MYO19: variants seen among roughly 807,000 people sequenced by gnomAD.
The protein encoded by MYO19 is myosin XIX.
In MYO19, 132 loss-of-function variants were observed where a neutral mutation model predicts 129.2. The ratio of observed to expected loss-of-function variants is 1.02; its 90% CI spans 0.89 to 1.18. The LOEUF (loss-of-function observed/expected upper bound fraction) is 1.18, where lower values mean the gene tolerates loss of function less well. Among genes scored for constraint, MYO19 ranks in the 50% most tolerant of loss-of-function variants. The pLI is 0.00. For missense variants in MYO19, 1,210 were observed against 1,216.7 expected (o/e 0.99, Z 0.08); for synonymous variants, 531 against 477.2 (o/e 1.11, Z -1.47).
upstream of MYO19, chr17:36,535,428 G>C (rs930838806): frequency 2.0e-5 from 3 of 152,294 alleles, no homozygotes; most frequent in Non-Finnish European, 4.4e-5. Flanking sequence ...GATGGGCGGA[G>C]ACGCGCGGAA....
At position 36,510,804 on chromosome 17, in the gene MYO19, A is replaced by C; in HGVS notation, c.1099T>G (p.Cys367Gly). The change falls in exon 13 of 26, where the codon TGC becomes GGC. Residue 367 changes from cysteine (C) to glycine (G), a missense_variant. Cys to Gly is a radical substitution (Grantham distance 159). Coordinates refer to ENST00000614623, the MANE Select transcript of MYO19 (RefSeq NM_001163735.2). ...CGGGTGTCACACTCGGCTCGGGCGC[A>C]GGGCTTCCGGAACACCTGCTGCTGT... ...GRQQQVFRKP[C>G]ARAECDTRRD... 2.5e-6 allele frequency: 4 copies of C among 1,600,994 alleles called. No individual in the cohort carries two copies. The highest frequency in any genetic ancestry group is 3.4e-6 in the Non-Finnish European group (4 of 1,173,974).
chr17:36,532,652 G>T lies in MYO19; in HGVS notation c.-114C>A. On this transcript the variant is annotated 5_prime_UTR_variant, in exon 3 of 26. Coordinates refer to ENST00000614623, the MANE Select transcript of MYO19 (RefSeq NM_001163735.2). ...TGGTTCCAACAAAGGGCTCAGTTCT[G>T]GAGGAATCTCAGACAAGTCACTCCA... 1 of 1,298,490 alleles carries T rather than the reference G, an allele frequency of 7.7e-7. No individual in the cohort carries two copies. Among genetic ancestry groups the T allele is most frequent in the Non-Finnish European group, 1.1e-6 (1 of 918,958 alleles). 80.4% of individuals were successfully genotyped at this position (1,298,490 alleles called of 1,614,324 possible). A position where few individuals can be genotyped will look rare whatever the true frequency, so the allele number is the denominator to read the frequency against.
intron 7 of MYO19, 23 bp from the exon 8 acceptor site, chr17:36,515,205 T>C (rs1374579411): frequency 6.2e-7 from 1 of 1,607,324 alleles, no homozygotes; most frequent in Admixed American, 1.7e-5. Flanking sequence ...CCTATGTTTA[T>C]TTCACTCCCC....
intron 25 of MYO19, 86 bp from the exon 26 acceptor site, chr17:36,496,492 G>A: frequency 7.5e-7 from 1 of 1,330,692 alleles, no homozygotes. Flanking sequence ...CGCTAAAAAT[G>A]CAAGAAGGTA....
At chr17:36,499,264 AC>A in intron 23 of MYO19, 104 bp from the exon 24 acceptor site, 1 of 771,392 alleles carries the variant, frequency 1.3e-6, no homozygotes, top group Non-Finnish European at 2.1e-6. Flanking sequence ...AGTTTCAAAT[AC>A]GTTTTTTTTT....
rs34705114 is a variant in MYO19 at position 36,497,175 on chromosome 17, CA to C, written c.2758-770del. The stretch of plus-strand genomic sequence containing the variant: ...CGAAACCCCGTCTCTATTAAAAATA[CA>C]AAAAAAAAAATATAGCCAGGCATGG... On this transcript the variant is annotated intron_variant, in intron 25 of 25. Transcript: ENST00000614623. Among the ~76,000 whole-genome samples, 462 of 147,580 alleles carry C rather than the reference CA, an allele frequency of 3.1e-3. 1 individual carries two copies. Among genetic ancestry groups the C allele is most frequent in the African/African-American group, 9.5e-3 (380 of 40,192 alleles).
rs2072263493 is a variant in MYO19 at position 36,510,741 on chromosome 17, C to T, written c.1157+5G>A. ...CCCCAACAAGGGGCCAGAGTAACTG[C>T]TCACCGCGCATAGATCAGTTTGGCC... is the stretch of plus-strand genomic sequence containing the variant. On this transcript the variant is annotated splice_donor_5th_base_variant and intron_variant, in intron 13 of 25. Coordinates refer to ENST00000614623, the MANE Select transcript of MYO19 (RefSeq NM_001163735.2). 4 of 1,593,300 alleles carry T rather than the reference C, an allele frequency of 2.5e-6. No homozygotes were observed. Among genetic ancestry groups the T allele is most frequent in the Middle Eastern group, 1.7e-4 (1 of 5,998 alleles).
chr17:36,498,647 T>A, intron 24 of MYO19, 88 bp from the exon 25 acceptor site: 1 of 1,407,222 alleles, frequency 7.1e-7, no homozygotes, highest in Non-Finnish European at 9.4e-7. Flanking sequence ...TAACAAATCA[T>A]CTTAACAAGG....
chr17:36,507,926 TG>T lies in MYO19; in HGVS notation c.1232-3del, dbSNP rs768787564. The T allele has an allele frequency of 1.9e-6, 3 of 1,595,952 alleles. No homozygotes were observed. In the South Asian group the frequency reaches 3.4e-5, roughly 18 times the overall value. On this transcript the variant is annotated splice_region_variant and splice_polypyrimidine_tract_variant and intron_variant, in intron 14 of 25. Coordinates refer to ENST00000614623, the MANE Select transcript of MYO19 (RefSeq NM_001163735.2). ...CAAATCCATACACATCCAGCAGGCC[TG>T]GGAAGATGGCAGAGAACCCATGGGG...
rs1196910776 is a variant in MYO19, at chr17:36,509,186, G to A, written c.1158-51C>T. 21 of 1,569,864 alleles carry A rather than the reference G, an allele frequency of 1.3e-5. No homozygotes were observed. The East Asian group carries it at 4.7e-4, about 35-fold the overall frequency. On this transcript the variant is annotated intron_variant, in intron 13 of 25. Transcript: ENST00000614623. ...GGTAAGAGGGTCTGGCTGAGTCAAA[G>A]GGGTGGTAAAATTGCTCCCCCCATC...
chr17:36,531,546 T>C (rs1435665446), intron 3 of MYO19, among the ~76,000 whole-genome samples: 1 of 152,164 alleles, frequency 6.6e-6, no homozygotes. Flanking sequence ...AGTATTATAT[T>C]TTTGTGTAAC....
At position 36,532,661 on chromosome 17, in the gene MYO19, TCA is replaced by T; in HGVS notation, c.-125_-124del. 1 of 1,182,996 alleles carries T rather than the reference TCA, an allele frequency of 8.5e-7. No homozygotes were observed. The highest frequency in any genetic ancestry group is 1.3e-5 in the South Asian group (1 of 75,998). The allele number at this position is 1,182,996 out of a possible 1,614,324, so 73.3% of individuals were successfully genotyped here. A position where few individuals can be genotyped will look rare whatever the true frequency, so the allele number is the denominator to read the frequency against. On this transcript the variant is annotated 5_prime_UTR_variant, in exon 3 of 26. Transcript: ENST00000614623. ...CAAAGGGCTCAGTTCTGGAGGAATC[TCA>T]GACAAGTCACTCCAGCGCCTGTGGC...
upstream of MYO19, chr17:36,537,652 A>T: frequency 6.2e-7 from 1 of 1,614,124 alleles, no homozygotes. Context: ...GTTTGTCTAG[A>T]GGTCAGGAGG....
intron 3 of MYO19, among the ~76,000 whole-genome samples, chr17:36,530,318 A>T (rs890039917): frequency 6.6e-6 from 1 of 152,176 alleles, no homozygotes; most frequent in South Asian, 2.1e-4. Context: ...ATAATTATTT[A>T]AAGTTCTTTT....
chr17:36,506,884 G>A, intron 17 of MYO19, 79 bp downstream of exon 17: 1 of 1,420,806 alleles, frequency 7.0e-7, no homozygotes, highest in East Asian at 2.5e-5. Flanking sequence ...GACTCACGAT[G>A]GGAAACTACT....
intron 14 of MYO19, chr17:36,508,680 T>C (rs905322979): frequency 1.5e-5 from 3 of 205,864 alleles, no homozygotes; most frequent in Admixed American, 1.1e-4. Flanking sequence ...ATCCTCCCAC[T>C]TTGGCCTCCC....
chr17:36,497,649 A>AT, intron 25 of MYO19: 1 of 608,536 alleles, frequency 1.6e-6, no homozygotes, highest in Non-Finnish European at 2.1e-6. Context: ...CAGCGGCGCA[A>AT]TCTCGGCTCA....
intron 12 of MYO19, 85 bp from the exon 13 acceptor site, chr17:36,511,002 A>G: frequency 4.2e-6 from 6 of 1,430,264 alleles, no homozygotes; most frequent in Non-Finnish European, 4.7e-6. Flanking sequence ...CAGCGGGACC[A>G]TGACTTGCCC....
Position 36,507,786 on chromosome 17 carries a change from C to A in MYO19, c.1353+17G>T. 1 of 1,592,614 alleles carries A rather than the reference C, an allele frequency of 6.3e-7. No homozygotes were observed. Among genetic ancestry groups the A allele is most frequent in the Non-Finnish European group, 8.6e-7 (1 of 1,167,776 alleles). Reference sequence around the variant, plus strand: ...ATCCAAAAGAAGGACCTGCCTCCTGCTCACCCCATCCCTCACCTGCTGGGC... The same window carrying A: ...ATCCAAAAGAAGGACCTGCCTCCTGATCACCCCATCCCTCACCTGCTGGGC... On this transcript the variant is annotated intron_variant, in intron 15 of 25. Coordinates refer to ENST00000614623, the MANE Select transcript of MYO19 (RefSeq NM_001163735.2).
Sources: allele counts gnomAD v4.1 joint callset (sites outside exome capture counted in the v4.1 genomes callset), GRCh38; gene constraint gnomAD v4.1.1; transcripts MANE v1.5; gene names NCBI Gene and HGNC (gene_info 2026-07-23, HGNC 2026-07-21).